PPM1A: variants seen among roughly 807,000 people sequenced by gnomAD.
The protein encoded by PPM1A is protein phosphatase, Mg2+/Mn2+ dependent 1A, also known as protein phosphatase 1A.
PPM1A carries 7 observed loss-of-function variants against 35.0 expected under a neutral mutation model. That is an observed-to-expected ratio of 0.20 (90% confidence interval 0.11 to 0.38). The LOEUF (loss-of-function observed/expected upper bound fraction) is 0.38. Ranked by LOEUF, PPM1A falls within the 10% of genes least tolerant of loss-of-function variation. The probability of loss-of-function intolerance (pLI) is 1.00; values close to 1 mark genes in which losing one functional copy is unlikely to be tolerated. For synonymous variants in PPM1A, 153 were observed against 167.3 expected (o/e 0.91, Z 0.66); for missense variants, 239 against 467.8 (o/e 0.51, Z 4.51).
At chr14:60,276,442 T>C (rs1885769525) in intron 1 of PPM1A, among the ~76,000 whole-genome samples, 1 of 152,210 alleles carries the variant, frequency 6.6e-6, no homozygotes, top group East Asian at 1.9e-4. Context: ...ATTATCTCAG[T>C]GGTCATCAAA....
chr14:60,276,928 G>GT (rs1885831952), intron 1 of PPM1A: 1 of 603,958 alleles, frequency 1.7e-6, no homozygotes, highest in Admixed American at 5.0e-5. Context: ...GATTAGTTTG[G>GT]TTTTTAAAAG....
chr14:60,269,694 G>A (rs1301072210), intron 1 of PPM1A, among the ~76,000 whole-genome samples: 4 of 151,966 alleles, frequency 2.6e-5, no homozygotes, highest in African/African-American at 7.3e-5. Flanking sequence ...GATTACAGGC[G>A]TGCGTTATTA....
chr14:60,274,106 A>G (rs1885471070), intron 1 of PPM1A, among the ~76,000 whole-genome samples: 1 of 152,198 alleles, frequency 6.6e-6, no homozygotes, highest in Non-Finnish European at 1.5e-5. Context: ...CCAATGTTTA[A>G]TGGCTTGGGA....
Position 60,273,846 on chromosome 14 carries a change from T to A in PPM1A, c.-20-8838T>A, listed in dbSNP as rs111256330. ...AAGATATCCTTAGTTTCTGTTTCTT[T>A]TTCTGAGTTGGGGTCTTGCTATATT... On this transcript the variant is annotated intron_variant, in intron 1 of 5. Transcript: ENST00000395076. This position sits in a 1 kb window ranked among gnomAD's most constrained non-coding sequence, Gnocchi z 4.3. Among the ~76,000 whole-genome samples, 5,831 of 152,258 alleles carry A rather than the reference T, an allele frequency of 0.038. 126 individuals are homozygous for A. Among genetic ancestry groups the A allele is most frequent in the Middle Eastern group, 0.065 (19 of 294 alleles).
chr14:60,250,343 A>C, intron 1 of PPM1A: 51 of 743,710 alleles, frequency 6.9e-5, no homozygotes, highest in South Asian at 1.2e-4. Flanking sequence ...TCTTGATGTT[A>C]GAGCTTGGTT....
At chr14:60,287,614 A>G (rs1887154584) in intron 3 of PPM1A, 4 of 985,024 alleles carry the variant, frequency 4.1e-6, no homozygotes, top group Non-Finnish European at 1.2e-6. Flanking sequence ...GTGACCTACT[A>G]AACCTCATTT....
At chr14:60,287,848 A>G in intron 3 of PPM1A, 9 of 984,650 alleles carry the variant, frequency 9.1e-6, no homozygotes, top group Non-Finnish European at 1.1e-5. Flanking sequence ...GCTACTGACT[A>G]CCTTAGCTTT....
chr14:60,255,170 T>TTGTTTG (rs1555339227), intron 1 of PPM1A, among the ~76,000 whole-genome samples: 10 of 109,640 alleles, frequency 9.1e-5, no homozygotes, highest in African/African-American at 5.8e-4. Context: ...TTTTTTTTTT[T>TTGTTTG]TTTGTTTTGT....
intron 1 of PPM1A, among the ~76,000 whole-genome samples, chr14:60,279,294 A>G (rs1233625243): frequency 1.3e-5 from 2 of 152,044 alleles, no homozygotes; most frequent in Non-Finnish European, 2.9e-5. Context: ...AATTTTTTGT[A>G]TTAATAGAGA....
Position 60,282,553 on chromosome 14 carries a change from C to A in PPM1A, c.-20-131C>A. 8.6e-7 allele frequency: 1 copy of A among 1,161,442 alleles called. No individual in the cohort carries two copies. The highest frequency in any genetic ancestry group is 1.2e-6 in the Non-Finnish European group (1 of 838,328). The allele number at this position is 1,161,442 out of a possible 1,614,324, so 71.9% of individuals were successfully genotyped here. ...TGTTAATCTCCAGATTCCAAGTCAGCAACACAATGAATGTCTGCTTATCGC... is the reference window on the plus strand; with the variant it reads ...TGTTAATCTCCAGATTCCAAGTCAGAAACACAATGAATGTCTGCTTATCGC... On this transcript the variant is annotated intron_variant, in intron 1 of 5. Transcript: ENST00000395076. This position sits in a 1 kb window ranked among gnomAD's most constrained non-coding sequence, Gnocchi z 5.1.
chr14:60,288,274 C>G (rs1255948513), intron 3 of PPM1A: 1 of 962,238 alleles, frequency 1.0e-6, no homozygotes, highest in Non-Finnish European at 1.2e-6. Flanking sequence ...TAAGATACAT[C>G]AAATATAGAT....
chr14:60,275,649 G>C (rs1358641763), intron 1 of PPM1A, among the ~76,000 whole-genome samples: 4 of 151,798 alleles, frequency 2.6e-5, no homozygotes, highest in Admixed American at 2.6e-4. Flanking sequence ...ACTATGCCCC[G>C]CTAATCATTT....
intron 4 of PPM1A, among the ~76,000 whole-genome samples, chr14:60,290,783 T>C (rs1887551104): frequency 6.7e-6 from 1 of 149,030 alleles, no homozygotes. Context: ...TTTGGAAACT[T>C]TTTTTTTCCA....
At chr14:60,291,255 C>T in intron 4 of PPM1A, 142 bp from the exon 5 acceptor site, 1 of 514,502 alleles carries the variant, frequency 1.9e-6, no homozygotes, top group Non-Finnish European at 3.3e-6. Context: ...AAGTGAGGCT[C>T]ACTATTGACA....
intron 4 of PPM1A, among the ~76,000 whole-genome samples, chr14:60,291,196 T>G (rs1484151615): frequency 1.3e-5 from 2 of 152,052 alleles, no homozygotes. Flanking sequence ...TATAACACAT[T>G]TTAGAGTAGA....
chr14:60,277,934 A>G (rs1418235939), intron 1 of PPM1A, among the ~76,000 whole-genome samples: 1 of 152,216 alleles, frequency 6.6e-6, no homozygotes, highest in African/African-American at 2.4e-5. Context: ...CCCTCATCCT[A>G]GTTAAGGGAA....
intron 3 of PPM1A, chr14:60,287,618 C>G (rs1473251976): frequency 1.0e-6 from 1 of 985,028 alleles, no homozygotes; most frequent in Admixed American, 6.2e-5. Flanking sequence ...CCTACTAAAC[C>G]TCATTTTATT....
Position 60,297,016 on chromosome 14 carries a change from G to T in PPM1A, c.*4534G>T. The T allele has an allele frequency of 5.1e-6, 1 of 194,592 alleles. No homozygotes were observed. Among genetic ancestry groups the T allele is most frequent in the Non-Finnish European group, 1.0e-5 (1 of 97,010 alleles). 12.1% of individuals were successfully genotyped at this position (194,592 alleles called of 1,614,324 possible). On this transcript the variant is annotated 3_prime_UTR_variant, in exon 6 of 6. Transcript: ENST00000395076. ...CAGTTGACAACTTATATTTTTATGAGATGGAGAAAAAAGATTAAGTTGATA... is the reference window on the plus strand; with the variant it reads ...CAGTTGACAACTTATATTTTTATGATATGGAGAAAAAAGATTAAGTTGATA...
At chr14:60,286,784 T>G in intron 3 of PPM1A, 1 of 982,598 alleles carries the variant, frequency 1.0e-6, no homozygotes, top group Middle Eastern at 5.2e-4. Flanking sequence ...CTATTTTGTT[T>G]TTATTGCTGT....
Sources: allele counts gnomAD v4.1 joint callset (sites outside exome capture counted in the v4.1 genomes callset), GRCh38; gene constraint gnomAD v4.1.1; non-coding constraint Gnocchi (gnomAD v3.1); transcripts MANE v1.5; gene names NCBI Gene and HGNC (gene_info 2026-07-23, HGNC 2026-07-21).